The following RIMS2 variants were observed in gnomAD, a reference collection of about 807,000 sequenced individuals.
The protein encoded by RIMS2 is regulating synaptic membrane exocytosis 2.
Under a neutral mutation model 174.4 loss-of-function variants are expected in RIMS2, and 59 were observed. The observed-to-expected ratio is 0.34, with a 90% confidence interval of 0.27 to 0.42. The LOEUF is 0.42. RIMS2 is among the 10% of genes least tolerant of loss of function. The probability of loss-of-function intolerance (pLI) is 1.00; values close to 1 mark genes in which losing one functional copy is unlikely to be tolerated. For synonymous variants in RIMS2, 606 were observed against 572.5 expected, an observed-to-expected ratio of 1.06 and a Z score of -0.84; for missense variants, 1,620 against 1,666.3, an observed-to-expected ratio of 0.97 and a Z score of 0.48.
chr8:103,593,129 A>G (rs902788466), intron 1 of RIMS2, among the ~76,000 whole-genome samples: 5 of 151,540 alleles, frequency 3.3e-5, no homozygotes, highest in Admixed American at 6.6e-5. Context: ...TTTGTTGCCA[A>G]TGATAACATT....
rs756680213 is a variant in RIMS2, at chr8:103,705,519, G to A, written c.387+8223G>A. Among the ~76,000 whole-genome samples the A allele has an allele frequency of 1.1e-4, 16 of 152,086 alleles. No homozygotes were observed. The Middle Eastern group carries it at 0.01, about 97-fold the overall frequency. On this transcript the variant is annotated intron_variant, in intron 2 of 23. Coordinates refer to ENST00000504942, the Ensembl canonical transcript of RIMS2. ...TGTTGTTGTTGCTTTTTCTGCCTGCGTGCTGTGTTCATTACTAAGAGCGGG... is the reference window on the plus strand; with the variant it reads ...TGTTGTTGTTGCTTTTTCTGCCTGCATGCTGTGTTCATTACTAAGAGCGGG...
intron 20 of RIMS2, among the ~76,000 whole-genome samples, chr8:104,247,931 G>A (rs191790566): frequency 2.0e-5 from 3 of 152,154 alleles, no homozygotes; most frequent in Non-Finnish European, 4.4e-5. Flanking sequence ...AAAGATAAAA[G>A]GTCAAAGGAT....
intron 2 of RIMS2, among the ~76,000 whole-genome samples, chr8:103,730,419 T>G (rs1446576448): frequency 6.6e-6 from 1 of 152,200 alleles, no homozygotes; most frequent in Non-Finnish European, 1.5e-5. Context: ...CTTCTTTGTC[T>G]CTTTTTATAG....
chr8:104,165,557 A>C (rs2098791876), intron 19 of RIMS2, among the ~76,000 whole-genome samples: 1 of 152,114 alleles, frequency 6.6e-6, no homozygotes, highest in South Asian at 2.1e-4. Flanking sequence ...ATTTTGAATA[A>C]GAGAACTATG....
chr8:103,775,622 G>A, intron 3 of RIMS2, among the ~76,000 whole-genome samples: 1 of 152,090 alleles, frequency 6.6e-6, no homozygotes, highest in East Asian at 1.9e-4. Context: ...TAACATGACT[G>A]ATGTCTTTTC....
chr8:104,130,277 C>T (rs548165524), intron 19 of RIMS2, among the ~76,000 whole-genome samples: 1 of 152,272 alleles, frequency 6.6e-6, no homozygotes, highest in East Asian at 1.9e-4. Context: ...TGTGGAAATA[C>T]TAGGTTCATG....
chr8:103,643,551 G>A (rs1386478324), intron 1 of RIMS2, among the ~76,000 whole-genome samples: 2 of 152,134 alleles, frequency 1.3e-5, no homozygotes, highest in Non-Finnish European at 2.9e-5. Flanking sequence ...CTGGAGAAGA[G>A]TTAGACTGTG....
chr8:103,780,270 C>G (rs1018517361), intron 3 of RIMS2, among the ~76,000 whole-genome samples: 3 of 152,090 alleles, frequency 2.0e-5, no homozygotes, highest in African/African-American at 7.2e-5. Flanking sequence ...CTTCCTCTAC[C>G]TGGATATTTA....
chr8:103,678,697 T>C (rs752969868), intron 1 of RIMS2, among the ~76,000 whole-genome samples: 38 of 151,970 alleles, frequency 2.5e-4, no homozygotes, highest in Admixed American at 1.9e-3. Context: ...ATGAATACGT[T>C]TGACAGCCTG....
intron 2 of RIMS2, among the ~76,000 whole-genome samples, chr8:103,733,091 G>A (rs1475730371): frequency 6.6e-6 from 1 of 152,108 alleles, no homozygotes; most frequent in African/African-American, 2.4e-5. Flanking sequence ...AGCAGGTATT[G>A]CCTGGCTTCC....
chr8:103,873,248 T>A (rs1196605763), intron 3 of RIMS2, among the ~76,000 whole-genome samples: 1 of 152,112 alleles, frequency 6.6e-6, no homozygotes, highest in African/African-American at 2.4e-5. Flanking sequence ...ATTTCTTTGT[T>A]TTTCCTCTTT....
chr8:104,015,597 A>G (rs1389073286), intron 19 of RIMS2: 7 of 419,178 alleles, frequency 1.7e-5, no homozygotes, highest in Non-Finnish European at 2.9e-5. Context: ...ATGATATCTG[A>G]CAAAGTATTC....
intron 16 of RIMS2, among the ~76,000 whole-genome samples, chr8:103,985,942 C>A (rs1260484724): frequency 2.0e-5 from 3 of 152,114 alleles, no homozygotes; most frequent in African/African-American, 7.2e-5. Flanking sequence ...GAGAAAAGAG[C>A]CTGGTGGGGT....
intron 3 of RIMS2, among the ~76,000 whole-genome samples, chr8:103,873,906 C>T (rs995132613): frequency 6.6e-6 from 1 of 151,922 alleles, no homozygotes; most frequent in Non-Finnish European, 1.5e-5. Context: ...GTCACAGATT[C>T]TATGTCAACA....
intron 6 of RIMS2, 64 bp downstream of exon 9, chr8:103,912,236 G>T: frequency 7.6e-7 from 1 of 1,321,402 alleles, no homozygotes; most frequent in Non-Finnish European, 1.1e-6. Flanking sequence ...AAAAGCAAAG[G>T]ATAACTCTTT....
chr8:103,567,745 T>C (rs2092479294), intron 1 of RIMS2, among the ~76,000 whole-genome samples: 1 of 152,194 alleles, frequency 6.6e-6, no homozygotes, highest in South Asian at 2.1e-4. Flanking sequence ...GCCAGACTTT[T>C]CCAAAGGGTT....
At chr8:103,992,435 TTTTG>T (rs571241588) in intron 17 of RIMS2, among the ~76,000 whole-genome samples, 19 of 151,880 alleles carry the variant, frequency 1.3e-4, no homozygotes, top group Admixed American at 3.3e-4. Flanking sequence ...CCATGTAGTT[TTTTG>T]TTTGTTTGTT....
At chr8:103,994,174 G>C (rs527660120) in intron 17 of RIMS2, among the ~76,000 whole-genome samples, 1 of 152,002 alleles carries the variant, frequency 6.6e-6, no homozygotes, top group South Asian at 2.1e-4. Flanking sequence ...TTTTTGTATG[G>C]ACTAAAGTGA....
At chr8:103,912,321 AT>A in intron 6 of RIMS2, 149 bp downstream of exon 9, 1 of 466,348 alleles carries the variant, frequency 2.1e-6, no homozygotes, top group African/African-American at 2.0e-5. Context: ...TATCTAAAAC[AT>A]TTCATTTTCC....
Sources: allele counts gnomAD v4.1 joint callset (sites outside exome capture counted in the v4.1 genomes callset), GRCh38; gene constraint gnomAD v4.1.1; transcripts MANE v1.5; gene names NCBI Gene and HGNC (gene_info 2026-07-23, HGNC 2026-07-21).